HSPA5: variants seen among roughly 807,000 people sequenced by gnomAD.
HSPA5 encodes heat shock protein family A (Hsp70) member 5.
Under a neutral mutation model 49.5 loss-of-function variants are expected in HSPA5, and 16 were observed. The observed-to-expected ratio is 0.32, with a 90% CI of 0.22 to 0.49. The LOEUF (loss-of-function observed/expected upper bound fraction) is 0.49. Ranked by LOEUF, HSPA5 falls within the 20% of genes least tolerant of loss-of-function variation. HSPA5 has a pLI of 0.99. For synonymous variants in HSPA5, 271 were observed against 307.2 expected (o/e 0.88, Z 1.23); for missense variants, 376 against 819.0 (o/e 0.46, Z 6.60).
In HSPA5 at chr9:125,240,214, G is replaced by A; in HGVS notation, c.450C>T (p.Leu150=). Residue 150 remains leucine (L), a synonymous_variant, in exon 3 of 8, where the codon CTC becomes CTT. Transcript: ENST00000324460. This position sits in a 1 kb window ranked among gnomAD's most constrained non-coding sequence, Gnocchi z 4.4. ...FAPEEISAMV[L]TKMKETAEAY... ...CCTCAGCGGTTTCTTTCATTTTAGTGAGAACCATGGCAGAAATTTCTTCAG... is the reference window on the plus strand; with the variant it reads ...CCTCAGCGGTTTCTTTCATTTTAGTAAGAACCATGGCAGAAATTTCTTCAG... 6.2e-7 allele frequency: 1 copy of A among 1,610,830 alleles called. No individual in the cohort carries two copies. Among genetic ancestry groups the A allele is most frequent in the Non-Finnish European group, 8.5e-7 (1 of 1,178,654 alleles).
rs1415219258 is a variant in HSPA5, at chr9:125,241,198, G to C, written c.-72C>G. 1 of 1,533,126 alleles carries C rather than the reference G, an allele frequency of 6.5e-7. No individual in the cohort carries two copies. Among genetic ancestry groups the C allele is most frequent in the Non-Finnish European group, 8.8e-7 (1 of 1,141,580 alleles). 95.0% of individuals were successfully genotyped at this position (1,533,126 alleles called of 1,614,324 possible). A position where few individuals can be genotyped will look rare whatever the true frequency, so the allele number is the denominator to read the frequency against. On this transcript the variant is annotated 5_prime_UTR_variant, in exon 1 of 8. Transcript: ENST00000324460. ...AGCACAGGAGCACAGCGCAATTTCCGACTTGCAGGCGGCAGGGGCCCGGGG... is the reference window on the plus strand; with the variant it reads ...AGCACAGGAGCACAGCGCAATTTCCCACTTGCAGGCGGCAGGGGCCCGGGG...
At chr9:125,237,646 G>A (rs537797591) in intron 7 of HSPA5, among the ~76,000 whole-genome samples, 1 of 148,030 alleles carries the variant, frequency 6.8e-6, no homozygotes, top group South Asian at 2.1e-4. Context: ...CTGCACCCCA[G>A]CCTAGGCGAC....
At position 125,238,817 on chromosome 9, in the gene HSPA5, C is replaced by A. The variant is rs1252434461; in HGVS notation, c.1007G>T (p.Arg336Leu). 1 of 1,613,436 alleles carries A rather than the reference C, an allele frequency of 6.2e-7. No individual in the cohort carries two copies. Among genetic ancestry groups the A allele is most frequent in the Non-Finnish European group, 8.5e-7 (1 of 1,179,720 alleles). The change falls in exon 6 of 8, where the codon CGG becomes CTG. Residue 336 changes from arginine to leucine, a missense_variant. Physicochemically the swap from Arg to Leu is moderately radical, Grantham distance 102. This residue lies in a region of HSPA5 where 89 missense variants were observed against 155.9 expected (regional missense o/e 0.57). Transcript: ENST00000324460. ...TTTCTGGACGGGCTTCATAGTAGAC[C>A]GGAACAGATCCTAGAAAAAAGACAT... ...KFEELNMDLF[R>L]STMKPVQKVL...
Position 125,240,149 on chromosome 9 carries a change from A to G in HSPA5, c.492+23T>C. 3 of 1,571,552 alleles carry G rather than the reference A, an allele frequency of 1.9e-6. No individual in the cohort carries two copies. Among genetic ancestry groups the G allele is most frequent in the Non-Finnish European group, 2.6e-6 (3 of 1,158,712 alleles). On this transcript the variant is annotated intron_variant, in intron 3 of 7. Coordinates refer to ENST00000324460, the MANE Select transcript of HSPA5 (RefSeq NM_005347.5). The surrounding 1 kb of genome is among the most constrained non-coding windows in gnomAD (Gnocchi z 4.4). ...GAATACTAATGATCAAAAAATACTT[A>G]ACATTGTTCTAGAAATATTTACCTT...
rs1832552005 is a variant in HSPA5, at chr9:125,240,605, A to G, written c.354+71T>C. 2 of 1,278,596 alleles carry G rather than the reference A, an allele frequency of 1.6e-6. No individual in the cohort carries two copies. The highest frequency in any genetic ancestry group is 2.2e-6 in the Non-Finnish European group (2 of 891,280). The allele number at this position is 1,278,596 out of a possible 1,614,324, so 79.2% of individuals were successfully genotyped here. On this transcript the variant is annotated intron_variant, in intron 2 of 7. Transcript: ENST00000324460. The surrounding 1 kb of genome is among the most constrained non-coding windows in gnomAD (Gnocchi z 4.4). ...TCAACTGTTGTCTCAACACTTTTCC[A>G]GAGACTTATAACTCTAAATACTCCC...
Position 125,238,831 on chromosome 9 carries a change from G to A in HSPA5, c.997-4C>T. The stretch of plus-strand genomic sequence containing the variant: ...TCATAGTAGACCGGAACAGATCCTA[G>A]AAAAAAGACATGGTTACTGTGATGT... On this transcript the variant is annotated splice_region_variant and splice_polypyrimidine_tract_variant and intron_variant, in intron 5 of 7. Coordinates refer to ENST00000324460, the MANE Select transcript of HSPA5 (RefSeq NM_005347.5). 2 of 1,611,994 alleles carry A rather than the reference G, an allele frequency of 1.2e-6. No homozygotes were observed. The highest frequency in any genetic ancestry group is 1.7e-6 in the Non-Finnish European group (2 of 1,179,090).
chr9:125,240,711 A>C lies in HSPA5; in HGVS notation c.319T>G (p.Ser107Ala), dbSNP rs764437821. The change falls in exon 2 of 8, where the codon TCT (serine) becomes GCT (alanine). Residue 107 changes from serine (S) to alanine (A), a missense_variant. By Grantham distance (99) the Ser-to-Ala change is moderately conservative. This residue lies in a region of HSPA5 where 89 missense variants were observed against 200.0 expected (regional missense o/e 0.44). Transcript: ENST00000324460. The surrounding 1 kb of genome is among the most constrained non-coding windows in gnomAD (Gnocchi z 4.4). The part of the protein sequence containing the change: ...RLIGRTWNDP[S>A]VQQDIKFLPF... ...AAGAACTTGATGTCCTGCTGCACAG[A>C]CGGGTCATTCCACGTGCGGCCGATG... The C allele has an allele frequency of 1.9e-6, 3 of 1,614,134 alleles. No individual in the cohort carries two copies. Among genetic ancestry groups the C allele is most frequent in the Non-Finnish European group, 2.5e-6 (3 of 1,179,992 alleles).
At chr9:125,238,055 T>C in intron 7 of HSPA5, 86 bp downstream of exon 7, 1 of 1,007,438 alleles carries the variant, frequency 9.9e-7, no homozygotes, top group Non-Finnish European at 1.5e-6. Context: ...TGAGCCGAGA[T>C]CGTGCCACTG....
rs527944851 is a variant in HSPA5 at position 125,238,051 on chromosome 9, G to A, written c.1402+90C>T. ...CGGGAGACAGAATTTGCAGTGAGCC[G>A]AGATCGTGCCACTGCAGTCCAGCCT... On this transcript the variant is annotated intron_variant, in intron 7 of 7. Transcript: ENST00000324460. 9.2e-4 allele frequency: 895 copies of A among 976,304 alleles called. 5 individuals carry two copies. In the African/African-American group the frequency reaches 0.013, roughly 14 times the overall value. The allele number at this position is 976,304 out of a possible 1,614,324, so 60.5% of individuals were successfully genotyped here.
In HSPA5 at chr9:125,236,419, T is replaced by C. The variant is rs1048942716; in HGVS notation, c.*173A>G. 5 of 515,952 alleles carry C rather than the reference T, an allele frequency of 9.7e-6. No homozygotes were observed. Among genetic ancestry groups the C allele is most frequent in the Non-Finnish European group, 1.0e-5 (3 of 296,162 alleles). The allele number at this position is 515,952 out of a possible 1,614,324, so 32.0% of individuals were successfully genotyped here. On this transcript the variant is annotated 3_prime_UTR_variant, in exon 8 of 8. Coordinates refer to ENST00000324460, the MANE Select transcript of HSPA5 (RefSeq NM_005347.5). Reference sequence around the variant, plus strand: ...TTCTTCTCCCCCCCACCCAAAGACATGTGAGCAACTGCTAATGAAAAGCAG... The same window carrying C: ...TTCTTCTCCCCCCCACCCAAAGACACGTGAGCAACTGCTAATGAAAAGCAG...
At chr9:125,238,109 A>C in intron 7 of HSPA5, 32 bp downstream of exon 7, 1 of 1,577,116 alleles carries the variant, frequency 6.3e-7, no homozygotes, top group Non-Finnish European at 8.7e-7. Context: ...CTCAAAAAAA[A>C]AGCCATGATA....
chr9:125,238,898 T>G (rs1243069714), intron 5 of HSPA5, 43 bp downstream of exon 5: 1 of 1,603,572 alleles, frequency 6.2e-7, no homozygotes, highest in African/African-American at 1.3e-5. Context: ...GAATTCAGAG[T>G]CTAAGGAGAT....
Position 125,236,796 on chromosome 9 carries a change from G to A in HSPA5, c.1761C>T (p.Ser587=), listed in dbSNP as rs1588429726. ...TTTCCATGGTCTCCTTATCTTCAGA[G>A]GAAAGTTTACCTCCCAGCTTTTCTT... ...GDKEKLGGKL[S]SEDKETMEKA... Residue 587 remains serine (S), a synonymous_variant, in exon 8 of 8, where the codon TCC becomes TCT. Coordinates refer to ENST00000324460, the MANE Select transcript of HSPA5 (RefSeq NM_005347.5). The A allele has an allele frequency of 6.2e-7, 1 of 1,613,414 alleles. No individual in the cohort carries two copies. The highest frequency in any genetic ancestry group is 1.1e-5 in the South Asian group (1 of 91,018).
Position 125,236,632 on chromosome 9 carries a change from G to T in HSPA5, c.1925C>A (p.Pro642Gln), listed in dbSNP as rs1249822667. The T allele has an allele frequency of 6.2e-7, 1 of 1,610,342 alleles. No homozygotes were observed. The highest frequency in any genetic ancestry group is 1.1e-5 in the South Asian group (1 of 90,094). The change falls in exon 8 of 8, where the codon CCA becomes CAA. Residue 642 changes from proline to glutamine, a missense_variant. Coordinates refer to ENST00000324460, the MANE Select transcript of HSPA5 (RefSeq NM_005347.5). ...TTCTGCTGTATCCTCTTCACCAGTT[G>T]GGGGAGGGCCTGCACTTCCATAGAG... ...SKLYGSAGPP[P>Q]TGEEDTAEKD...
In HSPA5 at chr9:125,240,371, C is replaced by T; in HGVS notation, c.355-62G>A. 1.4e-6 allele frequency: 2 copies of T among 1,416,904 alleles called. No individual in the cohort carries two copies. The highest frequency in any genetic ancestry group is 1.9e-6 in the Non-Finnish European group (2 of 1,030,182). The allele number at this position is 1,416,904 out of a possible 1,614,324, so 87.8% of individuals were successfully genotyped here. A position where few individuals can be genotyped will look rare whatever the true frequency, so the allele number is the denominator to read the frequency against. On this transcript the variant is annotated intron_variant, in intron 2 of 7. Transcript: ENST00000324460. This position sits in a 1 kb window ranked among gnomAD's most constrained non-coding sequence, Gnocchi z 4.4. The stretch of plus-strand genomic sequence containing the variant: ...AATGACATCTCAAAGTTTAAAAGAC[C>T]CACTACCATCCCCACAATTTGGTTT...
chr9:125,235,802 C>G lies in HSPA5; in HGVS notation c.*790G>C, dbSNP rs1027608788. The G allele has an allele frequency of 1.3e-5, 2 of 152,070 alleles. No homozygotes were observed. Among genetic ancestry groups the G allele is most frequent in the South Asian group, 4.1e-4 (2 of 4,820 alleles). The allele number at this position is 152,070 out of a possible 1,614,324, so 9.4% of individuals were successfully genotyped here. On this transcript the variant is annotated 3_prime_UTR_variant, in exon 8 of 8. Coordinates refer to ENST00000324460, the MANE Select transcript of HSPA5 (RefSeq NM_005347.5). The stretch of plus-strand genomic sequence containing the variant: ...TGATCACTCACTCCCCATCATTTCT[C>G]AGAGAATCCAAGCAGCTATAAAAGC...
chr9:125,236,217 T>A lies in HSPA5; in HGVS notation c.*375A>T, dbSNP rs912516305. ...TCCTAAAATAAGTAATTGATCTAAT[T>A]AGAAGCTTCTCACAAACATTAGACC... On this transcript the variant is annotated 3_prime_UTR_variant, in exon 8 of 8. Coordinates refer to ENST00000324460, the MANE Select transcript of HSPA5 (RefSeq NM_005347.5). 7 of 183,958 alleles carry A rather than the reference T, an allele frequency of 3.8e-5. No individual in the cohort carries two copies. Among genetic ancestry groups the A allele is most frequent in the African/African-American group, 1.4e-4 (6 of 42,616 alleles). The allele number at this position is 183,958 out of a possible 1,614,324, so 11.4% of individuals were successfully genotyped here. A position where few individuals can be genotyped will look rare whatever the true frequency, so the allele number is the denominator to read the frequency against.
At position 125,239,011 on chromosome 9, in the gene HSPA5, A is replaced by G. The variant is rs776075958; in HGVS notation, c.926T>C (p.Ile309Thr). The G allele has an allele frequency of 8.7e-6, 14 of 1,613,966 alleles. No homozygotes were observed. The highest frequency in any genetic ancestry group is 3.3e-5 in the South Asian group (3 of 91,070). ...GTCTTCTCCTTCATAGAAGGACTCA[A>G]TTTCAATTCTTGCTTGATGCTGAGA... ...LSSQHQARIE[I>T]ESFYEGEDFS... Residue 309 changes from isoleucine to threonine, a missense_variant, in exon 5 of 8, where the codon ATT becomes ACT. Transcript: ENST00000324460. This position sits in a 1 kb window ranked among gnomAD's most constrained non-coding sequence, Gnocchi z 5.5.
chr9:125,239,725 A>T lies in HSPA5; in HGVS notation c.493-192T>A, dbSNP rs939976078. Among the ~76,000 whole-genome samples, 20 of 144,696 alleles carry T rather than the reference A, an allele frequency of 1.4e-4. No individual in the cohort carries two copies. The highest frequency in any genetic ancestry group is 2.2e-4 in the South Asian group (1 of 4,596). The allele number at this position is 144,696 out of a possible 152,430, so 94.9% of individuals were successfully genotyped here. ...GAAACCCTGTCTCTACTGAAAATTA[A>T]AAAAAAAAAAAAAAATTAGCCAGGT... On this transcript the variant is annotated intron_variant, in intron 3 of 7. Coordinates refer to ENST00000324460, the MANE Select transcript of HSPA5 (RefSeq NM_005347.5). The surrounding 1 kb of genome is among the most constrained non-coding windows in gnomAD (Gnocchi z 5.5).
Sources: allele counts gnomAD v4.1 joint callset (sites outside exome capture counted in the v4.1 genomes callset), GRCh38; gene constraint gnomAD v4.1.1; regional missense constraint gnomAD v4.1.1; non-coding constraint Gnocchi (gnomAD v3.1); transcripts MANE v1.5; gene names NCBI Gene and HGNC (gene_info 2026-07-23, HGNC 2026-07-21).